Variants in PTPRN2 observed in about 807,000 individuals in gnomAD.
PTPRN2 encodes the protein receptor-type tyrosine-protein phosphatase N2.
Under a neutral mutation model 118.8 loss-of-function variants are expected in PTPRN2, and 74 were observed. The observed-to-expected ratio is 0.62, with a 90% confidence interval of 0.52 to 0.76. The LOEUF is 0.76. PTPRN2 is among the 30% of genes least tolerant of loss of function. The pLI is 0.00. For missense variants in PTPRN2, 1,481 were observed against 1,394.4 expected, an observed-to-expected ratio of 1.06 and a Z score of -0.99; for synonymous variants, 641 against 608.0, an observed-to-expected ratio of 1.05 and a Z score of -0.80.
chr7:158,016,285 G>A (rs1182869196), intron 11 of PTPRN2, among the ~76,000 whole-genome samples: 1 of 152,138 alleles, frequency 6.6e-6, no homozygotes, highest in African/African-American at 2.4e-5. Context: ...AGCCACAGAT[G>A]CCTTGCGTGG....
At chr7:158,005,767 T>C (rs1272402456) in intron 11 of PTPRN2, among the ~76,000 whole-genome samples, 2 of 152,168 alleles carry the variant, frequency 1.3e-5, no homozygotes, top group South Asian at 2.1e-4. Context: ...CCCACCGTGG[T>C]TTCCCACAGC....
At chr7:157,955,742 G>A (rs535649952) in intron 11 of PTPRN2, among the ~76,000 whole-genome samples, 7 of 152,312 alleles carry the variant, frequency 4.6e-5, no homozygotes, top group South Asian at 2.1e-4. Context: ...GTGCTAGGGC[G>A]GACACCCTGC....
chr7:158,343,555 C>A (rs896095310), intron 2 of PTPRN2, among the ~76,000 whole-genome samples: 10 of 152,174 alleles, frequency 6.6e-5, no homozygotes, highest in African/African-American at 9.7e-5. Flanking sequence ...TGATTTTACA[C>A]CCAATACCTG....
rs1038550462 is a variant in PTPRN2 at position 157,785,082 on chromosome 7, T to C, written c.1789-102145A>G. Among the ~76,000 whole-genome samples the C allele has an allele frequency of 1.3e-5, 2 of 151,890 alleles. No individual in the cohort carries two copies. Among genetic ancestry groups the C allele is most frequent in the African/African-American group, 4.8e-5 (2 of 41,324 alleles). The stretch of plus-strand genomic sequence containing the variant: ...TGTTTCATCGCGTCGTCATAGGAGT[T>C]GAACAAAGCTGTGTGTGTGTTTCCA... On this transcript the variant is annotated intron_variant, in intron 12 of 22. Coordinates refer to ENST00000389418, the MANE Select transcript of PTPRN2 (RefSeq NM_002847.5). The surrounding 1 kb of genome is among the most constrained non-coding windows in gnomAD (Gnocchi z 7.3).
chr7:158,524,557 G>A (rs1824626629), intron 1 of PTPRN2, among the ~76,000 whole-genome samples: 1 of 150,926 alleles, frequency 6.6e-6, no homozygotes. Context: ...CCCTGGAGTG[G>A]AGGGAAGTGA....
chr7:158,330,064 C>A lies in PTPRN2; in HGVS notation c.164-13132G>T, dbSNP rs1039768794. 6.6e-4 allele frequency among the ~76,000 whole-genome samples: 97 copies of A among 146,264 alleles called. 1 individual carries two copies. Among genetic ancestry groups the A allele is most frequent in the African/African-American group, 2.4e-3 (95 of 39,228 alleles). ...TGCAGACGTCACTCACACCCACACT[C>A]TCACCATAAGAGCTGACACCTGCAG... On this transcript the variant is annotated intron_variant, in intron 2 of 22. Transcript: ENST00000389418.
intron 16 of PTPRN2, among the ~76,000 whole-genome samples, chr7:157,602,997 A>G (rs547823672): frequency 8.5e-5 from 13 of 152,334 alleles, no homozygotes; most frequent in Non-Finnish European, 1.3e-4. Context: ...TTCCCTGAAG[A>G]CCAGAATTGA....
intron 12 of PTPRN2, among the ~76,000 whole-genome samples, chr7:157,778,746 C>T (rs112127047): frequency 2.0e-5 from 3 of 151,930 alleles, no homozygotes; most frequent in Admixed American, 1.3e-4. Flanking sequence ...CGAATGCCCA[C>T]GTAAACATGT....
intron 12 of PTPRN2, among the ~76,000 whole-genome samples, chr7:157,710,432 C>A (rs979753785): frequency 1.3e-5 from 2 of 151,974 alleles, no homozygotes; most frequent in Non-Finnish European, 2.9e-5. Context: ...CACAGTGAGA[C>A]CCCATCTCTA....
At chr7:158,007,219 G>C (rs1805688994) in intron 11 of PTPRN2, among the ~76,000 whole-genome samples, 1 of 152,204 alleles carries the variant, frequency 6.6e-6, no homozygotes, top group Non-Finnish European at 1.5e-5. Context: ...TGCGGCCCCG[G>C]GTGTTGGCGC....
At chr7:158,556,800 G>C (rs1203864277) in intron 1 of PTPRN2, among the ~76,000 whole-genome samples, 1 of 133,826 alleles carries the variant, frequency 7.5e-6, no homozygotes, top group African/African-American at 3.0e-5. Context: ...CAGGTCAGGC[G>C]GCTCCCGCGC....
chr7:157,936,388 C>G (rs966135348), intron 11 of PTPRN2, among the ~76,000 whole-genome samples: 2 of 152,208 alleles, frequency 1.3e-5, no homozygotes, highest in African/African-American at 4.8e-5. Flanking sequence ...TTCCTCCCCT[C>G]TGCCTGTGTC....
chr7:157,960,043 T>C (rs1189346785), intron 11 of PTPRN2, among the ~76,000 whole-genome samples: 1 of 152,012 alleles, frequency 6.6e-6, no homozygotes, highest in Non-Finnish European at 1.5e-5. Flanking sequence ...CGGGTAAACC[T>C]TGAGGATATT....
rs180795182 is a variant in PTPRN2 at position 158,456,518 on chromosome 7, G to A, written c.163+33217C>T. On this transcript the variant is annotated intron_variant, in intron 2 of 22. Transcript: ENST00000389418. ...AGAACATAACGGCACGGATGCCATCGGCCATGGCCCCCCATCGCTCTGCGG... is the reference window on the plus strand; with the variant it reads ...AGAACATAACGGCACGGATGCCATCAGCCATGGCCCCCCATCGCTCTGCGG... Among the ~76,000 whole-genome samples, 68 of 148,682 alleles carry A rather than the reference G, an allele frequency of 4.6e-4. 2 individuals carry two copies. In the East Asian group the frequency reaches 7.5e-3, roughly 16 times the overall value.
intron 12 of PTPRN2, among the ~76,000 whole-genome samples, chr7:157,891,191 C>CA (rs1796778664): frequency 1.3e-5 from 2 of 152,218 alleles, no homozygotes; most frequent in Non-Finnish European, 2.9e-5. Flanking sequence ...TATGTTCCTG[C>CA]TATTGATTTG....
rs1804872355 is a variant in PTPRN2 at position 157,997,824 on chromosome 7, CACG to C, written c.1723+83471_1723+83473del. 4.2e-4 allele frequency among the ~76,000 whole-genome samples: 8 copies of C among 19,018 alleles called. 1 individual carries two copies. Among genetic ancestry groups the C allele is most frequent in the Non-Finnish European group, 1.0e-3 (7 of 6,798 alleles). 12.5% of individuals were successfully genotyped at this position (19,018 alleles called of 152,430 possible). ...GAATGGAGTGCAGGGGAGATGAGTG[CACG>C]GGAGAGGAGTGCAGGGGAGTGGAGT... is the stretch of plus-strand genomic sequence containing the variant. On this transcript the variant is annotated intron_variant, in intron 11 of 22. Transcript: ENST00000389418.
At chr7:157,961,329 C>T (rs1232420917) in intron 11 of PTPRN2, among the ~76,000 whole-genome samples, 2 of 152,114 alleles carry the variant, frequency 1.3e-5, no homozygotes, top group African/African-American at 2.4e-5. Flanking sequence ...GCCAGGAGTT[C>T]GAGACCAGCC....
intron 11 of PTPRN2, among the ~76,000 whole-genome samples, chr7:157,923,521 CTG>C (rs1315172806): frequency 1.3e-5 from 2 of 152,242 alleles, no homozygotes; most frequent in Non-Finnish European, 2.9e-5. Flanking sequence ...GTCTTTCCAC[CTG>C]TGTCAGTTCC....
At chr7:158,135,024 A>G (rs774644025) in intron 8 of PTPRN2, among the ~76,000 whole-genome samples, 5 of 152,116 alleles carry the variant, frequency 3.3e-5, no homozygotes, top group Admixed American at 6.5e-5. Flanking sequence ...CTTCCTAGGA[A>G]AGACCGGGTC....
Sources: gnomAD v4.1 joint callset for allele counts (sites outside exome capture counted in the v4.1 genomes callset) on GRCh38, gnomAD v4.1.1 for gene constraint, Gnocchi (gnomAD v3.1) non-coding constraint, MANE v1.5 for transcripts, NCBI Gene and HGNC (gene_info 2026-07-23, HGNC 2026-07-21) for gene names.